NUP133: variants seen among roughly 807,000 people sequenced by gnomAD.
NUP133 encodes nucleoporin 133.
NUP133 carries 66 observed loss-of-function variants against 146.2 expected under a neutral mutation model. The observed-to-expected ratio is 0.45, with a 90% CI of 0.37 to 0.55. The LOEUF (loss-of-function observed/expected upper bound fraction) is 0.55, where lower values mean the gene tolerates loss of function less well. NUP133 is among the 20% of genes least tolerant of loss of function. NUP133 has a pLI of 0.00. For synonymous variants in NUP133, 521 were observed against 498.8 expected (o/e 1.04, Z -0.59); for missense variants, 1,277 against 1,374.8 (o/e 0.93, Z 1.12).
chr1:229,452,095 C>T (rs1009904903), intron 22 of NUP133, among the ~76,000 whole-genome samples: 9 of 152,160 alleles, frequency 5.9e-5, no homozygotes, highest in Admixed American at 1.3e-4. Flanking sequence ...CGTATTCTGG[C>T]TCTGCCCTCG....
Position 229,470,781 on chromosome 1 carries a change from G to A in NUP133, c.1875C>T (p.Gly625=), listed in dbSNP as rs1295897001. 1 of 1,613,992 alleles carries A rather than the reference G, an allele frequency of 6.2e-7. No homozygotes were observed. Among genetic ancestry groups the A allele is most frequent in the Non-Finnish European group, 8.5e-7 (1 of 1,179,984 alleles). The change falls in exon 15 of 26, where the codon GGC becomes GGT. Residue 625 remains glycine (G), a synonymous_variant. Coordinates refer to ENST00000261396, the MANE Select transcript of NUP133 (RefSeq NM_018230.3). ...IHQVGLFGRL[G]SFPVRGTPMA... ...TCGGTGTCCCTCTAACTGGAAAACT[G>A]CCTAGACGTCCAAATAAGCCAACCT...
chr1:229,445,226 A>T (rs1660278321), intron 24 of NUP133, among the ~76,000 whole-genome samples: 1 of 152,158 alleles, frequency 6.6e-6, no homozygotes, highest in Non-Finnish European at 1.5e-5. Flanking sequence ...CATGCAAGAG[A>T]CGCCAAGGAA....
intron 8 of NUP133, among the ~76,000 whole-genome samples, chr1:229,492,416 G>T (rs1263710442): frequency 6.6e-6 from 1 of 151,926 alleles, no homozygotes; most frequent in Non-Finnish European, 1.5e-5. Flanking sequence ...CCTATTACTA[G>T]CAACTTTCAT....
intron 24 of NUP133, among the ~76,000 whole-genome samples, chr1:229,448,586 C>T (rs374966915): frequency 1.3e-5 from 2 of 152,118 alleles, no homozygotes; most frequent in Admixed American, 6.5e-5. Flanking sequence ...CAGCCCACGC[C>T]GCTGCTCTGT....
At chr1:229,480,534 C>T (rs982043373) in intron 12 of NUP133, among the ~76,000 whole-genome samples, 4 of 152,102 alleles carry the variant, frequency 2.6e-5, no homozygotes, top group African/African-American at 7.2e-5. Context: ...AGAAATGATG[C>T]TATAAAAACA....
chr1:229,474,153 A>C (rs1661021448), intron 14 of NUP133, among the ~76,000 whole-genome samples: 1 of 152,198 alleles, frequency 6.6e-6, no homozygotes, highest in African/African-American at 2.4e-5. Context: ...GCCTCTGTTG[A>C]CAGTTGGAAC....
chr1:229,466,610 G>A (rs772769310), intron 16 of NUP133, 24 bp downstream of exon 16: 3 of 1,613,340 alleles, frequency 1.9e-6, no homozygotes, highest in East Asian at 4.5e-5. Context: ...TTGATTTGCT[G>A]AAGCCTTTAC....
chr1:229,459,847 T>C (rs1212170203), intron 20 of NUP133, among the ~76,000 whole-genome samples: 2 of 152,350 alleles, frequency 1.3e-5, no homozygotes, highest in Admixed American at 6.5e-5. Flanking sequence ...CTTTTCAACA[T>C]ACTGACTTCA....
rs139160684 is a variant in NUP133 at position 229,464,774 on chromosome 1, C to T, written c.2401G>A (p.Val801Met). Residue 801 changes from valine to methionine, a missense_variant, in exon 18 of 26, where the codon GTG (valine) becomes ATG (methionine). Val to Met is a conservative substitution (Grantham distance 21). Around this residue, in one of 3 missense-constraint regions of NUP133, gnomAD observed 952 missense variants for 1,047.0 expected, o/e 0.91. Coordinates refer to ENST00000261396, the MANE Select transcript of NUP133 (RefSeq NM_018230.3). ...PQADSNLRNI[V>M]TEQLVALIDC... ...ATCAGGGCTACCAGCTGCTCGGTCA[C>T]GATGTTTCGGAGGTTGCTGTCTGCC... 1.8e-5 allele frequency: 29 copies of T among 1,614,086 alleles called. No homozygotes were observed. The highest frequency in any genetic ancestry group is 2.2e-5 in the Non-Finnish European group (26 of 1,180,054).
chr1:229,495,510 T>C lies in NUP133; in HGVS notation c.1031A>G (p.Asp344Gly). Residue 344 changes from aspartate (D) to glycine (G), a missense_variant, in exon 8 of 26, where the codon GAC (aspartate) becomes GGC (glycine). By Grantham distance (94) the Asp-to-Gly change is moderately conservative. Coordinates refer to ENST00000261396, the MANE Select transcript of NUP133 (RefSeq NM_018230.3). ...IKEGVNIRYL[D>G]LKQNCDGLVI... ...AATTGCTTACCAGTTTTGCTTCAAG[T>C]CCAAATATCGAATGTTGACTCCTTC... 6.2e-7 allele frequency: 1 copy of C among 1,611,980 alleles called. No homozygotes were observed. The highest frequency in any genetic ancestry group is 8.5e-7 in the Non-Finnish European group (1 of 1,178,490).
At chr1:229,477,817 A>C in intron 12 of NUP133, 57 bp from the exon 13 acceptor site, 49 of 1,377,118 alleles carry the variant, frequency 3.6e-5, no homozygotes, top group Non-Finnish European at 4.4e-5. Context: ...TTCAAAACTC[A>C]CCAAGAAAAA....
At chr1:229,466,819 C>T in intron 15 of NUP133, 63 bp from the exon 16 acceptor site, 1 of 1,547,636 alleles carries the variant, frequency 6.5e-7, no homozygotes, top group Non-Finnish European at 8.9e-7. Flanking sequence ...TAACAACTAC[C>T]CAGTGAGTTT....
intron 25 of NUP133, among the ~76,000 whole-genome samples, chr1:229,444,114 C>G (rs1023778202): frequency 3.9e-5 from 6 of 151,926 alleles, no homozygotes; most frequent in Admixed American, 3.9e-4. Context: ...GGGCAGATCA[C>G]GAGGTCAGGA....
chr1:229,496,211 C>T (rs1000075506), intron 6 of NUP133, among the ~76,000 whole-genome samples, 164 bp from the exon 7 acceptor site: 1 of 152,108 alleles, frequency 6.6e-6, no homozygotes, highest in African/African-American at 2.4e-5. Context: ...TGGTGTCTTA[C>T]CCCTGCAATC....
rs529504790 is a variant in NUP133, at chr1:229,444,856, C to G, written c.3334+58G>C. On this transcript the variant is annotated intron_variant, in intron 25 of 25. Coordinates refer to ENST00000261396, the MANE Select transcript of NUP133 (RefSeq NM_018230.3). ...AGCAAGACTCCGTCTCAAAAAAAAA[C>G]CCAAAAAACTGAGGAATGACACTGT... 8.3e-6 allele frequency: 10 copies of G among 1,198,816 alleles called. No homozygotes were observed. The Admixed American group carries it at 1.6e-4, about 19-fold the overall frequency. The allele number at this position is 1,198,816 out of a possible 1,614,324, so 74.3% of individuals were successfully genotyped here.
chr1:229,495,623 CT>C, intron 7 of NUP133, 58 bp from the exon 8 acceptor site: 1 of 1,259,574 alleles, frequency 7.9e-7, no homozygotes. Flanking sequence ...TTATTTTCAC[CT>C]TTATATCCCT....
chr1:229,458,607 GAAT>G (rs1307767971), intron 20 of NUP133, among the ~76,000 whole-genome samples: 2 of 151,866 alleles, frequency 1.3e-5, no homozygotes, highest in African/African-American at 4.8e-5. Context: ...CTCATAATTT[GAAT>G]ATTACAACAA....
At chr1:229,461,130 T>C (rs1024939548) in intron 19 of NUP133, among the ~76,000 whole-genome samples, 3 of 152,216 alleles carry the variant, frequency 2.0e-5, no homozygotes, top group Admixed American at 6.5e-5. Flanking sequence ...AGTAGCCCCA[T>C]GTGGCCAGTG....
intron 10 of NUP133, among the ~76,000 whole-genome samples, 161 bp from the exon 11 acceptor site, chr1:229,486,689 A>G (rs1661359582): frequency 6.6e-6 from 1 of 152,158 alleles, no homozygotes; most frequent in Non-Finnish European, 1.5e-5. Context: ...ACATCCCAGA[A>G]TCAAATGCTA....
Sources: allele counts gnomAD v4.1 joint callset (sites outside exome capture counted in the v4.1 genomes callset), GRCh38; gene constraint gnomAD v4.1.1; regional missense constraint gnomAD v4.1.1; transcripts MANE v1.5; gene names NCBI Gene and HGNC (gene_info 2026-07-23, HGNC 2026-07-21).